SMURF2: variants seen among roughly 807,000 people sequenced by gnomAD.
SMURF2 encodes the protein SMAD specific E3 ubiquitin protein ligase 2.
In SMURF2, 48 loss-of-function variants were observed where a neutral mutation model predicts 109.6. The observed-to-expected ratio is 0.44, with a 90% CI of 0.35 to 0.56. SMURF2 has a LOEUF of 0.56. Ranked by LOEUF, SMURF2 falls within the 20% of genes least tolerant of loss-of-function variation. SMURF2 has a pLI of 0.01. For missense variants in SMURF2, 575 were observed against 909.0 expected, an observed-to-expected ratio of 0.63 and a Z score of 4.72; for synonymous variants, 288 against 317.1, an observed-to-expected ratio of 0.91 and a Z score of 0.97.
At chr17:64,587,403 A>G (rs1969679135) in intron 5 of SMURF2, among the ~76,000 whole-genome samples, 1 of 152,160 alleles carries the variant, frequency 6.6e-6, no homozygotes, top group Non-Finnish European at 1.5e-5. Flanking sequence ...AACACTTAAT[A>G]TACTTAAGGT....
intron 1 of SMURF2, among the ~76,000 whole-genome samples, chr17:64,649,564 G>A (rs1203804600): frequency 8.5e-5 from 13 of 152,094 alleles, no homozygotes; most frequent in African/African-American, 1.2e-4. Context: ...TATTGAGGCC[G>A]GGTGCAGTGG....
At chr17:64,559,753 A>AAT (rs1555684358) in intron 12 of SMURF2, among the ~76,000 whole-genome samples, 27 of 143,430 alleles carry the variant, frequency 1.9e-4, no homozygotes, top group South Asian at 1.6e-3. Context: ...AAAAAAAAAA[A>AAT]TTTTTTTTTT....
chr17:64,637,587 G>A lies in SMURF2; in HGVS notation c.52+24242C>T, dbSNP rs934417376. On this transcript the variant is annotated intron_variant, in intron 1 of 18. Transcript: ENST00000262435. ...ATTATTATTATTATTTTCTTGAGAC[G>A]GAGTCTCATTCTGTTGCCCAGGCTG... Among the ~76,000 whole-genome samples, 40 of 150,958 alleles carry A rather than the reference G, an allele frequency of 2.6e-4. 1 individual carries two copies. The highest frequency in any genetic ancestry group is 7.8e-4 in the African/African-American group (32 of 41,086).
intron 14 of SMURF2, among the ~76,000 whole-genome samples, 159 bp downstream of exon 14, chr17:64,555,661 T>A (rs1463237286): frequency 6.6e-6 from 1 of 152,168 alleles, no homozygotes; most frequent in Non-Finnish European, 1.5e-5. Context: ...TTGAAATGTA[T>A]AAAGAAGCTA....
chr17:64,563,072 T>C, intron 10 of SMURF2, 106 bp from the exon 11 acceptor site: 2 of 1,027,296 alleles, frequency 1.9e-6, no homozygotes, highest in Non-Finnish European at 2.7e-6. Context: ...GCTCTATCAT[T>C]TTCCAAGCCT....
intron 5 of SMURF2, among the ~76,000 whole-genome samples, chr17:64,588,065 A>G (rs1555687281): frequency 6.6e-6 from 1 of 151,164 alleles, no homozygotes; most frequent in Non-Finnish European, 1.5e-5. Context: ...AACAAGTAAC[A>G]ATGCTATAGA....
intron 13 of SMURF2, among the ~76,000 whole-genome samples, chr17:64,556,744 T>C (rs897719075): frequency 6.6e-6 from 1 of 152,214 alleles, no homozygotes; most frequent in Non-Finnish European, 1.5e-5. Flanking sequence ...CTTTTATATA[T>C]ATTTGGTCTT....
chr17:64,548,904 T>C (rs1460455372), intron 16 of SMURF2, among the ~76,000 whole-genome samples: 4 of 152,194 alleles, frequency 2.6e-5, no homozygotes. Flanking sequence ...ATGTATACTA[T>C]AAAACATAAC....
intron 15 of SMURF2, among the ~76,000 whole-genome samples, chr17:64,553,088 G>A (rs1969068713): frequency 6.6e-6 from 1 of 152,118 alleles, no homozygotes; most frequent in African/African-American, 2.4e-5. Context: ...TATGGAGACA[G>A]TAAAATATGA....
chr17:64,618,358 T>C (rs1555690297), intron 1 of SMURF2, among the ~76,000 whole-genome samples: 1 of 152,236 alleles, frequency 6.6e-6, no homozygotes, highest in African/African-American at 2.4e-5. Flanking sequence ...TCTAGGTATC[T>C]GGTACATAGC....
chr17:64,569,736 C>T (rs868967748), intron 10 of SMURF2, among the ~76,000 whole-genome samples: 2 of 152,132 alleles, frequency 1.3e-5, no homozygotes, highest in Non-Finnish European at 2.9e-5. Context: ...CATATATTGC[C>T]GGTAAAAGAC....
intron 16 of SMURF2, among the ~76,000 whole-genome samples, chr17:64,548,780 T>A (rs536174405): frequency 3.3e-5 from 5 of 152,218 alleles, no homozygotes; most frequent in Admixed American, 2.0e-4. Context: ...TGATGGAGGG[T>A]CACACAGATG....
chr17:64,661,959 C>A lies in SMURF2; in HGVS notation c.-79G>T. 2 of 1,129,498 alleles carry A rather than the reference C, an allele frequency of 1.8e-6. No homozygotes were observed. The highest frequency in any genetic ancestry group is 2.2e-6 in the Non-Finnish European group (2 of 922,582). 70.0% of individuals were successfully genotyped at this position (1,129,498 alleles called of 1,614,324 possible). ...GGCGCGGCGGAGTCACCACAGCGGC[C>A]GGGGCTGGGGCCCGAGCAGCCGGCG... On this transcript the variant is annotated 5_prime_UTR_variant, in exon 1 of 19. Transcript: ENST00000262435.
At position 64,556,021 on chromosome 17, in the gene SMURF2, T is replaced by C. The variant is rs781912812; in HGVS notation, c.1432-23A>G. On this transcript the variant is annotated intron_variant, in intron 13 of 18. Coordinates refer to ENST00000262435, the MANE Select transcript of SMURF2 (RefSeq NM_022739.4). ...TTCCTGAAATTGAAAACAGTATATATACTCGTTAGGCACTACCCAGGAAAA... is the reference window on the plus strand; with the variant it reads ...TTCCTGAAATTGAAAACAGTATATACACTCGTTAGGCACTACCCAGGAAAA... 3.9e-6 allele frequency: 6 copies of C among 1,550,930 alleles called. No individual in the cohort carries two copies. In the South Asian group the frequency reaches 4.8e-5, roughly 12 times the overall value.
Position 64,545,655 on chromosome 17 carries a change from C to T in SMURF2, c.*193G>A. On this transcript the variant is annotated 3_prime_UTR_variant, in exon 19 of 19. Coordinates refer to ENST00000262435, the MANE Select transcript of SMURF2 (RefSeq NM_022739.4). ...TGGCCTCATGGCAAAGCATAAAGAC[C>T]TTTTTTTTCCTTGAAAAGGAATTTC... The T allele has an allele frequency of 2.4e-6, 1 of 418,784 alleles. No homozygotes were observed. The highest frequency in any genetic ancestry group is 4.4e-5 in the South Asian group (1 of 22,764). 25.9% of individuals were successfully genotyped at this position (418,784 alleles called of 1,614,324 possible). A position where few individuals can be genotyped will look rare whatever the true frequency, so the allele number is the denominator to read the frequency against.
At position 64,571,219 on chromosome 17, in the gene SMURF2, C is replaced by T. The variant is rs574732686; in HGVS notation, c.1016+579G>A. Among the ~76,000 whole-genome samples, 37 of 152,262 alleles carry T rather than the reference C, an allele frequency of 2.4e-4. No homozygotes were observed. The South Asian group carries it at 7.3e-3, about 30-fold the overall frequency. On this transcript the variant is annotated intron_variant, in intron 10 of 18. Coordinates refer to ENST00000262435, the MANE Select transcript of SMURF2 (RefSeq NM_022739.4). ...ATTAGCCTGTTCAACCCCTACTTCT[C>T]CTGTCAAGATATTGCCTCTGTAAAA...
intron 1 of SMURF2, among the ~76,000 whole-genome samples, chr17:64,617,862 AT>A (rs1970146955): frequency 6.6e-6 from 1 of 152,184 alleles, no homozygotes; most frequent in East Asian, 1.9e-4. Context: ...AAAGATGAAG[AT>A]TTTGGTAAAG....
chr17:64,635,289 T>C (rs1185437591), intron 1 of SMURF2, among the ~76,000 whole-genome samples: 1 of 152,130 alleles, frequency 6.6e-6, no homozygotes, highest in African/African-American at 2.4e-5. Flanking sequence ...ATCACACCAC[T>C]GCACTCTGGC....
At chr17:64,563,492 G>A (rs557612170) in intron 10 of SMURF2, among the ~76,000 whole-genome samples, 1 of 152,252 alleles carries the variant, frequency 6.6e-6, no homozygotes, top group South Asian at 2.1e-4. Flanking sequence ...TAATAAAGAT[G>A]TTTTAACATA....
Sources: allele counts gnomAD v4.1 joint callset (sites outside exome capture counted in the v4.1 genomes callset), GRCh38; gene constraint gnomAD v4.1.1; transcripts MANE v1.5; gene names NCBI Gene and HGNC (gene_info 2026-07-23, HGNC 2026-07-21).